NCBP1: variants seen among roughly 807,000 people sequenced by gnomAD.
NCBP1 encodes nuclear cap-binding protein subunit 1.
A neutral mutation model predicts 111.7 loss-of-function variants in NCBP1; 16 were observed. That is an observed-to-expected ratio of 0.14 (90% CI 0.10 to 0.22). The LOEUF is 0.22. NCBP1 is among the 10% of genes least tolerant of loss of function. The pLI is 1.00. For synonymous variants in NCBP1, 304 were observed against 314.3 expected (o/e 0.97, Z 0.35); for missense variants, 607 against 957.5 (o/e 0.63, Z 4.83).
At chr9:97,648,251 ATT>A in intron 8 of NCBP1, 28 bp downstream of exon 8, 1 of 1,599,366 alleles carries the variant, frequency 6.3e-7, no homozygotes, top group Non-Finnish European at 8.6e-7. Flanking sequence ...AGTCCTAGAT[ATT>A]GACCTGTGTT....
intron 2 of NCBP1, among the ~76,000 whole-genome samples, chr9:97,641,145 C>G (rs923663170): frequency 6.6e-6 from 1 of 152,088 alleles, no homozygotes; most frequent in Non-Finnish European, 1.5e-5. Context: ...TATGCATGAA[C>G]TAAATCAGCC....
chr9:97,656,591 T>C (rs1224374503), intron 14 of NCBP1, among the ~76,000 whole-genome samples: 1 of 151,938 alleles, frequency 6.6e-6, no homozygotes, highest in East Asian at 1.9e-4. Context: ...ATGAAATGAA[T>C]TCAGATTTAT....
In NCBP1 at chr9:97,662,055, T is replaced by G; in HGVS notation, c.1614T>G (p.Ser538Arg). 2 of 1,612,980 alleles carry G rather than the reference T, an allele frequency of 1.2e-6. No homozygotes were observed. Among genetic ancestry groups the G allele is most frequent in the African/African-American group, 2.7e-5 (2 of 75,032 alleles). ...NQDDDDDEGF[S>R]FNPLKIEVFV... ...AATATTTTTCAGATGAAGGATTCAG[T>G]TTTAACCCATTGAAAATAGAAGTCT... The change falls in exon 17 of 23, where the codon AGT becomes AGG. Residue 538 changes from serine (S) to arginine (R), a missense_variant. Physicochemically the swap from Ser to Arg is moderately radical, Grantham distance 110. Coordinates refer to ENST00000375147, the MANE Select transcript of NCBP1 (RefSeq NM_002486.5).
chr9:97,647,587 T>TA (rs768429072), intron 7 of NCBP1, 26 bp downstream of exon 7: 2 of 1,559,024 alleles, frequency 1.3e-6, no homozygotes, highest in African/African-American at 2.7e-5. Flanking sequence ...TCCCTTGTGA[T>TA]ACAAACACAG....
intron 20 of NCBP1, among the ~76,000 whole-genome samples, 154 bp from the exon 21 acceptor site, chr9:97,668,692 G>GTA (rs752639071): frequency 6.7e-6 from 1 of 150,208 alleles, no homozygotes; most frequent in Admixed American, 6.6e-5. Flanking sequence ...GGACTTTGAG[G>GTA]TATATATGTG....
rs765442451 is a variant in NCBP1, at chr9:97,669,605, A to T, written c.2158A>T (p.Ile720Phe). 1 of 1,608,398 alleles carries T rather than the reference A, an allele frequency of 6.2e-7. No individual in the cohort carries two copies. The highest frequency in any genetic ancestry group is 1.7e-5 in the Admixed American group (1 of 59,994). The change falls in exon 22 of 23, where the codon ATC (isoleucine) becomes TTC (phenylalanine). Residue 720 changes from isoleucine (I) to phenylalanine (F), a missense_variant. By Grantham distance (21) the Ile-to-Phe change is conservative (BLOSUM62 0). This residue lies in a region of NCBP1 where 282 missense variants were observed against 376.5 expected (regional missense o/e 0.75). Coordinates refer to ENST00000375147, the MANE Select transcript of NCBP1 (RefSeq NM_002486.5). ...FLVIFQRFIM[I>F]LTEHLVRCET... ...TCTCCCTTTCCAGCGGTTTATCATG[A>T]TCTTGACCGAGCACCTAGTACGATG... is the stretch of plus-strand genomic sequence containing the variant.
At chr9:97,634,366 TGTTCCGGTAGTG>T (rs1284645084) in intron 1 of NCBP1, 1 of 164,046 alleles carries the variant, frequency 6.1e-6, no homozygotes, top group Non-Finnish European at 1.3e-5. Context: ...GTCTGAACTC[TGTTCCGGTAGTG>T]GTTATCCGTT....
chr9:97,662,833 C>A, intron 17 of NCBP1, 121 bp from the exon 18 acceptor site: 4 of 703,204 alleles, frequency 5.7e-6, no homozygotes, highest in Non-Finnish European at 9.4e-6. Context: ...ATGGTTAATA[C>A]TTAGTTATTT....
chr9:97,658,075 A>T (rs1827722530), intron 14 of NCBP1, among the ~76,000 whole-genome samples: 1 of 151,798 alleles, frequency 6.6e-6, no homozygotes, highest in Admixed American at 6.6e-5. Flanking sequence ...GTAAAGTAGT[A>T]ATGGAATATG....
Position 97,633,908 on chromosome 9 carries a change from G to T in NCBP1, c.27G>T (p.Glu9Asp). The part of the protein sequence containing the change: MSRRRHSD[E>D]NDGGQPHKRR... ...TGTCGCGGCGGCGGCACAGCGACGA[G>T]AACGACGGTGAGTGCCTGCGGCCCG... Residue 9 changes from glutamate to aspartate, a missense_variant, in exon 1 of 23, where the codon GAG becomes GAT. Glu to Asp is a conservative substitution (Grantham distance 45). Transcript: ENST00000375147. 6.3e-7 allele frequency: 1 copy of T among 1,589,228 alleles called. No homozygotes were observed.
At chr9:97,649,835 T>C (rs1312925941) in intron 8 of NCBP1, among the ~76,000 whole-genome samples, 2 of 151,912 alleles carry the variant, frequency 1.3e-5, no homozygotes, top group African/African-American at 4.8e-5. Flanking sequence ...AAGGTGCATA[T>C]CCATCCCTTG....
rs1244607196 is a variant in NCBP1, at chr9:97,672,213, A to C, written c.*1014A>C. On this transcript the variant is annotated 3_prime_UTR_variant, in exon 23 of 23. Transcript: ENST00000375147. ...TTGTCTGACATTCCAAATTTCGAGGATTTTTAGACTTTTTTCATTAAACCT... is the reference window on the plus strand; with the variant it reads ...TTGTCTGACATTCCAAATTTCGAGGCTTTTTAGACTTTTTTCATTAAACCT... 1 of 152,146 alleles carries C rather than the reference A, an allele frequency of 6.6e-6. No individual in the cohort carries two copies. Among genetic ancestry groups the C allele is most frequent in the Non-Finnish European group, 1.5e-5 (1 of 68,020 alleles). The allele number at this position is 152,146 out of a possible 1,614,324, so 9.4% of individuals were successfully genotyped here.
intron 15 of NCBP1, among the ~76,000 whole-genome samples, chr9:97,659,344 A>G (rs1023572342): frequency 1.8e-4 from 27 of 152,156 alleles, no homozygotes; most frequent in African/African-American, 6.5e-4. Context: ...CAGCCCCTCC[A>G]TGATCCTTCC....
chr9:97,642,823 T>TTA (rs1827239419), intron 3 of NCBP1, among the ~76,000 whole-genome samples: 1 of 152,110 alleles, frequency 6.6e-6, no homozygotes, highest in African/African-American at 2.4e-5. Context: ...TGATTCTGTA[T>TTA]TAAAGAGGCT....
intron 14 of NCBP1, among the ~76,000 whole-genome samples, chr9:97,657,340 C>T (rs1246913202): frequency 6.6e-6 from 1 of 152,190 alleles, no homozygotes; most frequent in Non-Finnish European, 1.5e-5. Context: ...GTCTTGAACA[C>T]TTAACTCTTT....
At chr9:97,660,913 T>C (rs773219039) in intron 15 of NCBP1, 33 bp from the exon 16 acceptor site, 3 of 1,577,726 alleles carry the variant, frequency 1.9e-6, no homozygotes, top group East Asian at 2.3e-5. Flanking sequence ...AAACCTGATC[T>C]GTCATTCCCC....
chr9:97,664,315 T>A lies in NCBP1; in HGVS notation c.1798-25T>A, dbSNP rs780244167. Reference sequence around the variant, plus strand: ...TGTGTGTGTATGTGTGTGTGTGATTTACTTGAATAATTCTCTCATTGTAGA... The same window carrying A: ...TGTGTGTGTATGTGTGTGTGTGATTAACTTGAATAATTCTCTCATTGTAGA... On this transcript the variant is annotated intron_variant, in intron 18 of 22. Coordinates refer to ENST00000375147, the MANE Select transcript of NCBP1 (RefSeq NM_002486.5). 3 of 1,431,720 alleles carry A rather than the reference T, an allele frequency of 2.1e-6. No individual in the cohort carries two copies. In the South Asian group the frequency reaches 3.5e-5, roughly 16 times the overall value. 88.7% of individuals were successfully genotyped at this position (1,431,720 alleles called of 1,614,324 possible). A position where few individuals can be genotyped will look rare whatever the true frequency, so the allele number is the denominator to read the frequency against.
At chr9:97,639,261 G>C (rs1587994902) in intron 1 of NCBP1, among the ~76,000 whole-genome samples, 1 of 152,278 alleles carries the variant, frequency 6.6e-6, no homozygotes, top group Admixed American at 6.5e-5. Context: ...GACGTACAGA[G>C]TGTCTTACCC....
At chr9:97,655,021 C>T in intron 12 of NCBP1, 77 bp downstream of exon 12, 2 of 1,225,818 alleles carry the variant, frequency 1.6e-6, no homozygotes, top group Non-Finnish European at 2.2e-6. Flanking sequence ...TTGAGAAAGA[C>T]ATTTTTAAGA....
Sources: gnomAD v4.1 joint callset for allele counts (sites outside exome capture counted in the v4.1 genomes callset) on GRCh38, gnomAD v4.1.1 for gene constraint, gnomAD v4.1.1 regional missense constraint, MANE v1.5 for transcripts, NCBI Gene and HGNC (gene_info 2026-07-23, HGNC 2026-07-21) for gene names.